DLGAP5: variants seen among roughly 807,000 people sequenced by gnomAD.
The protein encoded by DLGAP5 is disks large-associated protein 5.
Under a neutral mutation model 99.6 loss-of-function variants are expected in DLGAP5, and 90 were observed. That is an observed-to-expected ratio of 0.90 (90% CI 0.76 to 1.08). The LOEUF is 1.08. Ranked by LOEUF, DLGAP5 falls within the 50% of genes least tolerant of loss-of-function variation. The pLI, the probability that DLGAP5 is intolerant of heterozygous loss-of-function variation, is 0.00. For missense variants in DLGAP5, 1,036 were observed against 983.5 expected (o/e 1.05, Z -0.71); for synonymous variants, 311 against 321.3 (o/e 0.97, Z 0.34).
intron 2 of DLGAP5, 57 bp downstream of exon 2, chr14:55,188,885 A>T: frequency 7.2e-7 from 1 of 1,392,654 alleles, no homozygotes; most frequent in Non-Finnish European, 9.9e-7. Flanking sequence ...CACAGGCATT[A>T]AACCAACTAT....
intron 16 of DLGAP5, 71 bp downstream of exon 16, chr14:55,152,519 A>G: frequency 8.3e-7 from 1 of 1,209,236 alleles, no homozygotes; most frequent in Non-Finnish European, 1.1e-6. Context: ...GATGCTTTAC[A>G]AAGTTACTTT....
At chr14:55,155,577 A>C (rs1594663757) in intron 14 of DLGAP5, among the ~76,000 whole-genome samples, 1 of 151,244 alleles carries the variant, frequency 6.6e-6, no homozygotes, top group Non-Finnish European at 1.5e-5. Flanking sequence ...CGAACTCCTG[A>C]CCTCAGGTGA....
At chr14:55,148,521 C>T in intron 18 of DLGAP5, 48 bp from the exon 19 acceptor site, 3 of 1,612,912 alleles carry the variant, frequency 1.9e-6, no homozygotes, top group Non-Finnish European at 2.5e-6. Flanking sequence ...TCAAGAGTTT[C>T]ACCAATTAAT....
Position 55,189,094 on chromosome 14 carries a change from A to G in DLGAP5, c.86T>C (p.Leu29Pro). Reference protein sequence around the residue: ...IRTKIAHRKSLSQKENRHKEY... With the variant: ...IRTKIAHRKSPSQKENRHKEY... Reference sequence around the variant, plus strand: ...CTTATGTCTATTTTCTTTCTGAGACAGTGATTTCCTATGAGCAATTTTAGT... The same window carrying G: ...CTTATGTCTATTTTCTTTCTGAGACGGTGATTTCCTATGAGCAATTTTAGT... The change falls in exon 2 of 19, where the codon CTG (leucine) becomes CCG (proline). Residue 29 changes from leucine to proline, a missense_variant. Leu to Pro is a moderately conservative substitution (Grantham distance 98). Transcript: ENST00000247191. 6.2e-7 allele frequency: 1 copy of G among 1,614,076 alleles called. No individual in the cohort carries two copies.
intron 14 of DLGAP5, among the ~76,000 whole-genome samples, chr14:55,156,930 G>A (rs541317507): frequency 6.6e-6 from 1 of 152,276 alleles, no homozygotes; most frequent in South Asian, 2.1e-4. Context: ...CCAGGAAGTA[G>A]AAGAAAACAG....
At chr14:55,179,521 CAT>C in intron 7 of DLGAP5, 106 bp downstream of exon 7, 1 of 853,044 alleles carries the variant, frequency 1.2e-6, no homozygotes. Flanking sequence ...TTTTAACACA[CAT>C]GTAGGTTAAC....
At chr14:55,151,652 T>C in intron 17 of DLGAP5, 43 bp downstream of exon 17, 1 of 1,574,972 alleles carries the variant, frequency 6.3e-7, no homozygotes, top group Non-Finnish European at 8.6e-7. Context: ...CCAAGTTCAT[T>C]TCTTTAATAA....
chr14:55,153,365 C>A (rs1286585556), intron 15 of DLGAP5, among the ~76,000 whole-genome samples: 1 of 151,912 alleles, frequency 6.6e-6, no homozygotes, highest in Non-Finnish European at 1.5e-5. Flanking sequence ...CATGGTGAAA[C>A]CCCGTCTCTA....
In DLGAP5 at chr14:55,169,571, A is replaced by AAG. The variant is rs769195093; in HGVS notation, c.1388-14_1388-13dup. ...AATAAGATCTTTAGCTGAAGGAAAT[A>AAG]AGAGATTTTTTAAAATTAAAGGACA... On this transcript the variant is annotated splice_polypyrimidine_tract_variant and intron_variant, in intron 11 of 18. Transcript: ENST00000247191. 3.8e-6 allele frequency: 6 copies of AAG among 1,575,762 alleles called. No individual in the cohort carries two copies. Among genetic ancestry groups the AAG allele is most frequent in the Non-Finnish European group, 5.1e-6 (6 of 1,167,814 alleles).
At chr14:55,151,649 C>A in intron 17 of DLGAP5, 46 bp downstream of exon 17, 1 of 1,568,972 alleles carries the variant, frequency 6.4e-7, no homozygotes. Context: ...AATCCAAGTT[C>A]ATTTCTTTAA....
chr14:55,189,120 T>G lies in DLGAP5; in HGVS notation c.60A>C (p.Arg20Ser), dbSNP rs1208735565. 1.2e-6 allele frequency: 2 copies of G among 1,613,958 alleles called. No homozygotes were observed. The highest frequency in any genetic ancestry group is 2.2e-5 in the South Asian group (2 of 91,076). The change falls in exon 2 of 19, where the codon AGA becomes AGC. Residue 20 changes from arginine to serine, a missense_variant. By Grantham distance (110) the Arg-to-Ser change is moderately radical. Coordinates refer to ENST00000247191, the MANE Select transcript of DLGAP5 (RefSeq NM_014750.5). ...HRKDISTEMI[R>S]TKIAHRKSLS... ...GTGATTTCCTATGAGCAATTTTAGT[T>G]CTAATCATTTCAGTACTTATATCCT...
intron 1 of DLGAP5, among the ~76,000 whole-genome samples, chr14:55,190,658 C>T (rs1883582838): frequency 6.6e-6 from 1 of 152,154 alleles, no homozygotes; most frequent in Non-Finnish European, 1.5e-5. Flanking sequence ...AAAATTGGCA[C>T]AAGTAATGCA....
chr14:55,150,092 A>C (rs967116375), intron 18 of DLGAP5, among the ~76,000 whole-genome samples: 3 of 151,972 alleles, frequency 2.0e-5, no homozygotes, highest in South Asian at 4.2e-4. Context: ...GCTGAAACCA[A>C]TGCTATATAT....
chr14:55,164,547 G>A (rs1288076719), intron 12 of DLGAP5, among the ~76,000 whole-genome samples: 1 of 152,062 alleles, frequency 6.6e-6, no homozygotes, highest in African/African-American at 2.4e-5. Flanking sequence ...AAGACTGTTA[G>A]GAGAAAACAC....
At chr14:55,149,889 T>TA (rs573432693) in intron 18 of DLGAP5, among the ~76,000 whole-genome samples, 1 of 151,200 alleles carries the variant, frequency 6.6e-6, no homozygotes, top group Non-Finnish European at 1.5e-5. Context: ...GCATCTCTAC[T>TA]AAAAAATACA....
chr14:55,173,918 A>G (rs936146854), intron 10 of DLGAP5, among the ~76,000 whole-genome samples: 4 of 152,186 alleles, frequency 2.6e-5, no homozygotes, highest in African/African-American at 9.7e-5. Context: ...AACTGTATTA[A>G]CTGCACAAAT....
chr14:55,177,149 T>G lies in DLGAP5; in HGVS notation c.962A>C (p.Lys321Thr). 2 of 1,610,130 alleles carry G rather than the reference T, an allele frequency of 1.2e-6. No individual in the cohort carries two copies. Among genetic ancestry groups the G allele is most frequent in the South Asian group, 2.2e-5 (2 of 90,246 alleles). The change falls in exon 8 of 19, where the codon AAG (lysine) becomes ACG (threonine). Residue 321 changes from lysine to threonine, a missense_variant. Transcript: ENST00000247191. Reference sequence around the variant, plus strand: ...AGTCATAGGTGTTACTTGATAGGTCTTCAGACCATCCAGTGGCTGAAACAT... The same window carrying G: ...AGTCATAGGTGTTACTTGATAGGTCGTCAGACCATCCAGTGGCTGAAACAT... Reference protein sequence around the residue: ...DFMFQPLDGLKTYQVTPMTPR... With the variant: ...DFMFQPLDGLTTYQVTPMTPR...
At position 55,175,364 on chromosome 14, in the gene DLGAP5, T is replaced by C. The variant is rs1221295212; in HGVS notation, c.1283A>G (p.His428Arg). 7.5e-6 allele frequency: 12 copies of C among 1,610,308 alleles called. No individual in the cohort carries two copies. The highest frequency in any genetic ancestry group is 6.7e-5 in the African/African-American group (5 of 74,788). The stretch of plus-strand genomic sequence containing the variant: ...GACATACCTGAAATATGGCACACCA[T>C]GGTGGGGCTGAGCAATTCGACCTTC... Reference protein sequence around the residue: ...RNEGRIAQPHHGVPYFRNILQ... With the variant: ...RNEGRIAQPHRGVPYFRNILQ... The change falls in exon 10 of 19, where the codon CAT becomes CGT. Residue 428 changes from histidine to arginine, a missense_variant. His to Arg is a conservative substitution (Grantham distance 29, BLOSUM62 0). Coordinates refer to ENST00000247191, the MANE Select transcript of DLGAP5 (RefSeq NM_014750.5).
chr14:55,148,247 G>T lies in DLGAP5; in HGVS notation c.*104C>A. On this transcript the variant is annotated 3_prime_UTR_variant, in exon 19 of 19. Transcript: ENST00000247191. ...AACACAGAATATTAAAACATTATAT[G>T]CTATAGAAGTGAACACAAATACATT... is the stretch of plus-strand genomic sequence containing the variant. 8.9e-7 allele frequency: 1 copy of T among 1,126,032 alleles called. No individual in the cohort carries two copies. The highest frequency in any genetic ancestry group is 1.3e-6 in the Non-Finnish European group (1 of 788,260). The allele number at this position is 1,126,032 out of a possible 1,614,324, so 69.8% of individuals were successfully genotyped here.
Sources: gnomAD v4.1 joint callset for allele counts (sites outside exome capture counted in the v4.1 genomes callset) on GRCh38, gnomAD v4.1.1 for gene constraint, MANE v1.5 for transcripts, NCBI Gene and HGNC (gene_info 2026-07-23, HGNC 2026-07-21) for gene names.